PRDM10: variants seen among roughly 807,000 people sequenced by gnomAD.
PRDM10 encodes the protein PR/SET domain 10.
A neutral mutation model predicts 133.1 loss-of-function variants in PRDM10; 65 were observed. That is an observed-to-expected ratio of 0.49 (90% CI 0.40 to 0.60). The LOEUF (loss-of-function observed/expected upper bound fraction) is 0.60, where lower values mean the gene tolerates loss of function less well. Ranked by LOEUF, PRDM10 falls within the 20% of genes least tolerant of loss-of-function variation. PRDM10 has a pLI of 0.00. For missense variants in PRDM10, 1,137 were observed against 1,507.1 expected (o/e 0.75, Z 4.07); for synonymous variants, 582 against 580.4 (o/e 1.00, Z -0.04).
intron 1 of PRDM10, among the ~76,000 whole-genome samples, chr11:129,992,000 C>T (rs747412729): frequency 1.3e-5 from 2 of 152,002 alleles, no homozygotes; most frequent in African/African-American, 4.8e-5. Context: ...AAAATAAAAA[C>T]TATGTGATTA....
intron 1 of PRDM10, among the ~76,000 whole-genome samples, chr11:129,992,850 C>T (rs180691939): frequency 2.0e-5 from 3 of 152,292 alleles, no homozygotes; most frequent in Non-Finnish European, 2.9e-5. Context: ...ATATAAATAA[C>T]ATTTATTCAC....
intron 20 of PRDM10, among the ~76,000 whole-genome samples, chr11:129,905,353 C>T (rs992155625): frequency 7.7e-6 from 1 of 129,586 alleles, no homozygotes; most frequent in Non-Finnish European, 1.6e-5. Context: ...CACAGCAAGA[C>T]TCTGTCTCAG....
At chr11:129,997,485 A>G (rs925763715) in intron 1 of PRDM10, among the ~76,000 whole-genome samples, 8 of 148,188 alleles carry the variant, frequency 5.4e-5, no homozygotes, top group Non-Finnish European at 8.9e-5. Flanking sequence ...TTCTCAAAAA[A>G]CAGAAAAGGA....
At chr11:129,936,652 C>CAA (rs34125921) in intron 8 of PRDM10, among the ~76,000 whole-genome samples, 11 of 142,468 alleles carry the variant, frequency 7.7e-5, no homozygotes, top group Non-Finnish European at 1.1e-4. Context: ...GACTCCATTT[C>CAA]AAAAAAAAAA....
At chr11:129,929,209 A>C (rs2135804084) in intron 11 of PRDM10, among the ~76,000 whole-genome samples, 1 of 152,332 alleles carries the variant, frequency 6.6e-6, no homozygotes, top group Middle Eastern at 3.4e-3. Context: ...CCTACCCTTC[A>C]TTTTGTATAT....
In PRDM10 at chr11:129,910,615, C is replaced by T. The variant is rs774900895; in HGVS notation, c.3024G>A (p.Gln1008=). The change falls in exon 19 of 21, where the codon CAG becomes CAA. Residue 1008 remains glutamine (Q), a synonymous_variant. Transcript: ENST00000360871. The part of the protein sequence containing the change: ...QPLSPSAQQA[Q]QGLSPSHIQG... ...GGATGTGGGAGGGGCTGAGCCCCTG[C>T]TGAGCCTGCTGGGCTGAGGGACTCA... The T allele has an allele frequency of 2.5e-6, 4 of 1,609,586 alleles. No homozygotes were observed. The highest frequency in any genetic ancestry group is 3.4e-6 in the Non-Finnish European group (4 of 1,177,236).
chr11:129,905,802 C>A (rs1949998580), intron 19 of PRDM10, 61 bp from the exon 20 acceptor site: 2 of 1,422,514 alleles, frequency 1.4e-6, no homozygotes, highest in Admixed American at 1.7e-5. Context: ...GTCTTAGAAA[C>A]AAAAACATAA....
chr11:129,912,154 G>T lies in PRDM10; in HGVS notation c.2913C>A (p.Pro971=). ...VGQLHDPQPY[P]QHAIQVQHIQ... ...TGTGCTGCACCTGGATGGCGTGCTG[G>T]GGGTAGGGCTGAGGATCATGGAGCT... Residue 971 remains proline (P), a synonymous_variant, in exon 18 of 21, where the codon CCC becomes CCA. Transcript: ENST00000360871. 1.2e-6 allele frequency: 2 copies of T among 1,612,828 alleles called. No homozygotes were observed. Among genetic ancestry groups the T allele is most frequent in the Non-Finnish European group, 1.7e-6 (2 of 1,179,382 alleles).
intron 19 of PRDM10, among the ~76,000 whole-genome samples, chr11:129,910,152 G>A (rs149124597): frequency 9.2e-5 from 14 of 152,164 alleles, no homozygotes; most frequent in African/African-American, 2.7e-4. Flanking sequence ...CTAGTACAGC[G>A]ATTGATAGAC....
intron 19 of PRDM10, 64 bp from the exon 20 acceptor site, chr11:129,905,805 A>G: frequency 7.2e-7 from 1 of 1,381,564 alleles, no homozygotes; most frequent in Non-Finnish European, 1.0e-6. Context: ...TTAGAAACAA[A>G]AACATAACCA....
At chr11:129,994,662 T>C (rs2136001879) in intron 1 of PRDM10, among the ~76,000 whole-genome samples, 1 of 151,920 alleles carries the variant, frequency 6.6e-6, no homozygotes, top group East Asian at 1.9e-4. Context: ...TTTCTTTCTC[T>C]TTTTTTTGAG....
At chr11:129,942,359 A>T in intron 7 of PRDM10, 67 bp downstream of exon 7, 1 of 1,517,002 alleles carries the variant, frequency 6.6e-7, no homozygotes, top group Non-Finnish European at 8.9e-7. Flanking sequence ...AGGAAAATAA[A>T]ATTGCAAAAA....
At chr11:129,949,646 TGTGGCTGGGCATG>T (rs543059083) in intron 4 of PRDM10, among the ~76,000 whole-genome samples, 1 of 152,272 alleles carries the variant, frequency 6.6e-6, no homozygotes, top group Admixed American at 6.5e-5. Context: ...AGAGGCTGGG[TGTGGCTGGGCATG>T]GTGGCTCATG....
At chr11:129,953,191 T>A (rs1951622297) in intron 4 of PRDM10, among the ~76,000 whole-genome samples, 1 of 152,150 alleles carries the variant, frequency 6.6e-6, no homozygotes, top group South Asian at 2.1e-4. Flanking sequence ...TTGGCCAGGC[T>A]GGTATCAAAC....
chr11:129,904,351 T>C (rs2135704712), intron 20 of PRDM10, among the ~76,000 whole-genome samples: 1 of 152,246 alleles, frequency 6.6e-6, no homozygotes, highest in African/African-American at 2.4e-5. Flanking sequence ...CTGATTAACA[T>C]ATCCATCAAC....
At chr11:130,001,574 T>C (rs1340053630) in intron 1 of PRDM10, among the ~76,000 whole-genome samples, 1 of 152,122 alleles carries the variant, frequency 6.6e-6, no homozygotes, top group African/African-American at 2.4e-5. Flanking sequence ...TGTGCTTAAG[T>C]GTACACGCAC....
Position 129,914,762 on chromosome 11 carries a change from G to T in PRDM10, c.2783C>A (p.Ser928Ter). The T allele has an allele frequency of 6.2e-7, 1 of 1,614,218 alleles. No individual in the cohort carries two copies. Among genetic ancestry groups the T allele is most frequent in the South Asian group, 1.1e-5 (1 of 91,074 alleles). ...CTGAGGCTGCTGGAGGCCAGACGCC[G>T]ACTGCGACACAGGGATGTACTGAAT... ...QRIQYIPVSQ[S>*]ASGLQQPQHI... is the part of the protein sequence containing the mutation. Residue 928 changes from serine to a stop codon, truncating the protein, a stop_gained, in exon 17 of 21, where the codon TCG becomes TAG. Transcript: ENST00000360871. LOFTEE classifies it high-confidence loss of function.
Position 129,957,911 on chromosome 11 carries a change from C to T in PRDM10, c.70-1G>A. 4 of 1,607,458 alleles carry T rather than the reference C, an allele frequency of 2.5e-6. No homozygotes were observed. The highest frequency in any genetic ancestry group is 3.4e-6 in the Non-Finnish European group (4 of 1,176,092). On this transcript the variant is annotated splice_acceptor_variant, in intron 2 of 20. Transcript: ENST00000360871. LOFTEE classifies it high-confidence loss of function. ...TTCCTGTGTCCGGAACAAAGTGCAC[C>T]TGGCATAAACAGGAGACAAAGAACA...
chr11:129,965,153 G>A (rs1012329492), intron 1 of PRDM10, among the ~76,000 whole-genome samples: 3 of 152,072 alleles, frequency 2.0e-5, no homozygotes, highest in African/African-American at 7.2e-5. Flanking sequence ...CAAGACAGGA[G>A]TTGCTTGAAC....
Sources: allele counts gnomAD v4.1 joint callset (sites outside exome capture counted in the v4.1 genomes callset), GRCh38; gene constraint gnomAD v4.1.1; transcripts MANE v1.5; gene names NCBI Gene and HGNC (gene_info 2026-07-23, HGNC 2026-07-21).